Variants in HIVEP2 observed in about 807,000 individuals in gnomAD.
HIVEP2 encodes HIVEP zinc finger 2.
Under a neutral mutation model 180.7 loss-of-function variants are expected in HIVEP2, and 14 were observed. The observed-to-expected ratio is 0.08, with a 90% CI of 0.05 to 0.12. The LOEUF is 0.12. Among genes scored for constraint, HIVEP2 ranks in the 10% least tolerant of loss-of-function variants. The pLI is 1.00. For missense variants in HIVEP2, 2,579 were observed against 3,008.5 expected, an observed-to-expected ratio of 0.86 and a Z score of 3.34; for synonymous variants, 1,184 against 1,136.4, an observed-to-expected ratio of 1.04 and a Z score of -0.84.
intron 1 of HIVEP2, among the ~76,000 whole-genome samples, chr6:142,920,194 G>A (rs9484676): frequency 1.5e-4 from 23 of 152,232 alleles, no homozygotes; most frequent in Admixed American, 4.6e-4. Context: ...TGCTACATGA[G>A]GTCACAGAGT....
chr6:142,761,468 T>C lies in HIVEP2; in HGVS notation c.5616A>G (p.Glu1872=). Residue 1872 remains glutamate, a synonymous_variant, in exon 8 of 10, where the codon GAA becomes GAG. Coordinates refer to ENST00000367603, the MANE Select transcript of HIVEP2 (RefSeq NM_006734.4). The part of the protein sequence containing the change: ...MTSVDDTETE[E]AENLEDLHKA... Reference sequence around the variant, plus strand: ...ACTCATTTATGACATACACACCTGCTTCCTCAGTTTCTGTATCATCCACCG... The same window carrying C: ...ACTCATTTATGACATACACACCTGCCTCCTCAGTTTCTGTATCATCCACCG... 1 of 1,551,880 alleles carries C rather than the reference T, an allele frequency of 6.4e-7. No homozygotes were observed. Among genetic ancestry groups the C allele is most frequent in the South Asian group, 1.1e-5 (1 of 89,824 alleles).
intron 1 of HIVEP2, among the ~76,000 whole-genome samples, chr6:142,839,702 A>G (rs1775315021): frequency 6.6e-6 from 1 of 152,124 alleles, no homozygotes; most frequent in African/African-American, 2.4e-5. Context: ...TACTGTTGCA[A>G]TACTGATCAC....
intron 9 of HIVEP2, among the ~76,000 whole-genome samples, chr6:142,754,585 T>G (rs1338141281): frequency 2.0e-5 from 3 of 152,164 alleles, no homozygotes; most frequent in Non-Finnish European, 4.4e-5. Context: ...CTCCATCCAA[T>G]AACAAACCAA....
intron 2 of HIVEP2, among the ~76,000 whole-genome samples, chr6:142,830,647 C>T (rs148563594): frequency 1.6e-4 from 25 of 152,164 alleles, no homozygotes; most frequent in African/African-American, 2.4e-4. Context: ...TCATGAAAAA[C>T]GAAAAGTAAA....
chr6:142,919,126 T>A (rs1562292413), intron 1 of HIVEP2, among the ~76,000 whole-genome samples: 3 of 152,342 alleles, frequency 2.0e-5, no homozygotes, highest in East Asian at 3.9e-4. Flanking sequence ...TCCAGTATAT[T>A]TTCAGTGTGT....
intron 2 of HIVEP2, among the ~76,000 whole-genome samples, chr6:142,816,105 A>G (rs1390094600): frequency 6.6e-6 from 1 of 152,254 alleles, no homozygotes; most frequent in African/African-American, 2.4e-5. Flanking sequence ...CATTTATAAT[A>G]GTAGTACATG....
At chr6:142,821,680 C>T (rs114751168) in intron 2 of HIVEP2, among the ~76,000 whole-genome samples, 15 of 152,242 alleles carry the variant, frequency 9.9e-5, no homozygotes, top group African/African-American at 2.6e-4. Context: ...TAATGTGACA[C>T]GAGTTCCTAA....
At chr6:142,819,126 TG>T (rs1346299580) in intron 2 of HIVEP2, among the ~76,000 whole-genome samples, 1 of 151,614 alleles carries the variant, frequency 6.6e-6, no homozygotes, top group Non-Finnish European at 1.5e-5. Flanking sequence ...CCCAGCCACT[TG>T]GGAGGCTGAG....
chr6:142,832,413 C>T (rs570404456), intron 2 of HIVEP2, among the ~76,000 whole-genome samples: 104 of 152,078 alleles, frequency 6.8e-4, no homozygotes, highest in African/African-American at 2.4e-3. Context: ...AAAATGCATA[C>T]AAAAAGTGGC....
chr6:142,814,104 G>T (rs921067957), intron 2 of HIVEP2, among the ~76,000 whole-genome samples: 6 of 151,892 alleles, frequency 4.0e-5, no homozygotes, highest in African/African-American at 1.5e-4. Flanking sequence ...TGGTGAGAGG[G>T]ATATGGGAAC....
At chr6:142,897,162 C>T (rs1354109622) in intron 1 of HIVEP2, among the ~76,000 whole-genome samples, 1 of 151,978 alleles carries the variant, frequency 6.6e-6, no homozygotes, top group African/African-American at 2.4e-5. Flanking sequence ...CTTTGTTAAC[C>T]ACCAGAGAAA....
intron 1 of HIVEP2, among the ~76,000 whole-genome samples, chr6:142,870,229 G>A (rs1426690978): frequency 6.6e-6 from 1 of 152,050 alleles, no homozygotes; most frequent in African/African-American, 2.4e-5. Flanking sequence ...CCCATGGGTT[G>A]GAATGAAGAA....
chr6:142,915,191 G>A (rs1777521304), intron 1 of HIVEP2, among the ~76,000 whole-genome samples: 1 of 152,080 alleles, frequency 6.6e-6, no homozygotes, highest in Admixed American at 6.5e-5. Context: ...TGGAATTGTG[G>A]CCCCCCAAAA....
chr6:142,771,514 C>T lies in HIVEP2; in HGVS notation c.3225G>A (p.Arg1075=), dbSNP rs371740647. ...CTTGCCGCACCAGAAAGCATTTCTT[C>T]CTCTCCCTGGACGGTGATACCGTGG... The part of the protein sequence containing the change: ...AASTVSPSRE[R]KKCFLVRQAS... Residue 1075 remains arginine, a synonymous_variant, in exon 5 of 10, where the codon AGG becomes AGA. Coordinates refer to ENST00000367603, the MANE Select transcript of HIVEP2 (RefSeq NM_006734.4). This position sits in a 1 kb window ranked among gnomAD's most constrained non-coding sequence, Gnocchi z 5.4. The T allele has an allele frequency of 6.2e-6, 10 of 1,613,816 alleles. No individual in the cohort carries two copies. The highest frequency in any genetic ancestry group is 8.5e-6 in the Non-Finnish European group (10 of 1,180,038).
chr6:142,796,066 T>C (rs1183428089), intron 2 of HIVEP2, among the ~76,000 whole-genome samples: 1 of 56,622 alleles, frequency 1.8e-5, no homozygotes, highest in Non-Finnish European at 5.3e-5. Flanking sequence ...AATTGCCAAG[T>C]AGTAGATATA....
chr6:142,768,731 T>C (rs983571500), intron 5 of HIVEP2, among the ~76,000 whole-genome samples, 195 bp from the exon 6 acceptor site: 1 of 151,792 alleles, frequency 6.6e-6, no homozygotes, highest in Non-Finnish European at 1.5e-5. Context: ...AATTCAACAT[T>C]CTGTTACAGC....
intron 1 of HIVEP2, among the ~76,000 whole-genome samples, chr6:142,879,375 T>G (rs918254578): frequency 6.6e-6 from 1 of 152,162 alleles, no homozygotes; most frequent in African/African-American, 2.4e-5. Context: ...AGGGAGCTTT[T>G]GAGGAAGAAC....
intron 1 of HIVEP2, among the ~76,000 whole-genome samples, chr6:142,939,496 C>G (rs1778125234): frequency 6.6e-6 from 1 of 152,190 alleles, no homozygotes; most frequent in South Asian, 2.1e-4. Flanking sequence ...TTCCTCTGCC[C>G]TGGTACTATC....
At position 142,761,376 on chromosome 6, in the gene HIVEP2, A is replaced by C. The variant is rs868241619; in HGVS notation, c.5620+88T>G. 368 of 666,100 alleles carry C rather than the reference A, an allele frequency of 5.5e-4. 2 individuals are homozygous for C. The highest frequency in any genetic ancestry group is 8.1e-4 in the Non-Finnish European group (302 of 371,120). 41.3% of individuals were successfully genotyped at this position (666,100 alleles called of 1,614,324 possible). ...AAAATGAAAAGTGATCACTTTTTAAAAATATCTAAACTTATTTTACTACCT... is the reference window on the plus strand; with the variant it reads ...AAAATGAAAAGTGATCACTTTTTAACAATATCTAAACTTATTTTACTACCT... On this transcript the variant is annotated intron_variant, in intron 8 of 9. Transcript: ENST00000367603.
Sources: gnomAD v4.1 joint callset for allele counts (sites outside exome capture counted in the v4.1 genomes callset) on GRCh38, gnomAD v4.1.1 for gene constraint, Gnocchi (gnomAD v3.1) non-coding constraint, MANE v1.5 for transcripts, NCBI Gene and HGNC (gene_info 2026-07-23, HGNC 2026-07-21) for gene names.